Variants in STXBP6 observed in about 807,000 individuals in gnomAD.
STXBP6 encodes syntaxin binding protein 6.
Under a neutral mutation model 26.9 loss-of-function variants are expected in STXBP6, and 21 were observed. The ratio of observed to expected loss-of-function variants is 0.78; its 90% CI spans 0.55 to 1.12. The LOEUF is 1.12. STXBP6 is among the 50% of genes most tolerant of loss of function. The pLI is 0.00. For synonymous variants in STXBP6, 97 were observed against 92.6 expected (o/e 1.05, Z -0.27); for missense variants, 232 against 257.9 (o/e 0.90, Z 0.69).
At chr14:24,821,568 G>A (rs1260386533) in intron 4 of STXBP6, among the ~76,000 whole-genome samples, 2 of 152,190 alleles carry the variant, frequency 1.3e-5, no homozygotes, top group African/African-American at 2.4e-5. Flanking sequence ...GCATCAGGAT[G>A]AATTCGAACA....
At chr14:24,933,447 G>A (rs759455154) in intron 2 of STXBP6, among the ~76,000 whole-genome samples, 41 of 152,174 alleles carry the variant, frequency 2.7e-4, no homozygotes, top group Non-Finnish European at 4.9e-4. Context: ...TCCAGAGGTC[G>A]AAAGGGGTAG....
intron 2 of STXBP6, among the ~76,000 whole-genome samples, chr14:24,934,035 A>C (rs2072513958): frequency 6.6e-6 from 1 of 152,150 alleles, no homozygotes; most frequent in Non-Finnish European, 1.5e-5. Flanking sequence ...AAATACCAAA[A>C]TTGAAGCAAT....
chr14:24,842,938 T>G (rs1373274527), intron 4 of STXBP6, among the ~76,000 whole-genome samples: 1 of 152,176 alleles, frequency 6.6e-6, no homozygotes, highest in African/African-American at 2.4e-5. Context: ...TGGATAGAGC[T>G]GGGAAGTATA....
At chr14:24,908,082 C>T (rs1466315979) in intron 2 of STXBP6, among the ~76,000 whole-genome samples, 5 of 152,292 alleles carry the variant, frequency 3.3e-5, no homozygotes, top group African/African-American at 1.2e-4. Context: ...CTAACAGCAT[C>T]AATGATTTGC....
At chr14:25,001,703 C>T (rs983167517) in intron 1 of STXBP6, among the ~76,000 whole-genome samples, 3 of 152,190 alleles carry the variant, frequency 2.0e-5, no homozygotes, top group African/African-American at 7.2e-5. Context: ...ATTCCAACAT[C>T]TGTTTCAAAA....
At chr14:24,982,451 G>A (rs2074221336) in intron 1 of STXBP6, among the ~76,000 whole-genome samples, 1 of 152,210 alleles carries the variant, frequency 6.6e-6, no homozygotes, top group African/African-American at 2.4e-5. Flanking sequence ...GCGTTAGCCT[G>A]CGCTTGCTCT....
chr14:24,844,586 G>A (rs1209120169), intron 4 of STXBP6, among the ~76,000 whole-genome samples: 1 of 152,158 alleles, frequency 6.6e-6, no homozygotes, highest in Non-Finnish European at 1.5e-5. Flanking sequence ...GAGTTACTTG[G>A]TGTGGAAAAC....
chr14:24,939,638 G>A (rs1485217902), intron 2 of STXBP6, among the ~76,000 whole-genome samples: 1 of 152,120 alleles, frequency 6.6e-6, no homozygotes, highest in Non-Finnish European at 1.5e-5. Flanking sequence ...TTGAAACTCT[G>A]TGATTCTAGA....
intron 2 of STXBP6, among the ~76,000 whole-genome samples, chr14:24,912,441 CAAA>C (rs373713561): frequency 3.0e-5 from 3 of 101,088 alleles, no homozygotes; most frequent in Admixed American, 1.1e-4. Flanking sequence ...AAGTGAATGC[CAAA>C]AAAAAAAAAA....
chr14:24,973,099 CAG>C (rs2140190999), intron 2 of STXBP6, among the ~76,000 whole-genome samples: 1 of 152,240 alleles, frequency 6.6e-6, no homozygotes, highest in East Asian at 1.9e-4. Flanking sequence ...GCCTGGGCAA[CAG>C]AGTGAGACCC....
intron 1 of STXBP6, among the ~76,000 whole-genome samples, chr14:24,997,704 T>G (rs948526282): frequency 1.3e-5 from 2 of 152,214 alleles, no homozygotes. Flanking sequence ...AATAAAAGGC[T>G]GCTGTAAATC....
chr14:25,042,458 C>T (rs1255598060), intron 1 of STXBP6, among the ~76,000 whole-genome samples: 5 of 152,206 alleles, frequency 3.3e-5, no homozygotes, highest in African/African-American at 4.8e-5. Flanking sequence ...TCTTTGTGGG[C>T]AGGAGAAGGT....
chr14:24,908,734 G>A (rs762314253), intron 2 of STXBP6, among the ~76,000 whole-genome samples: 6 of 152,138 alleles, frequency 3.9e-5, no homozygotes, highest in Non-Finnish European at 7.3e-5. Context: ...GGCTTGTGTT[G>A]CTCCAGGAAC....
At chr14:24,820,979 G>A (rs756631281) in intron 4 of STXBP6, among the ~76,000 whole-genome samples, 1 of 152,194 alleles carries the variant, frequency 6.6e-6, no homozygotes, top group Non-Finnish European at 1.5e-5. Context: ...CCAAGGTAAC[G>A]CCTGACCGTT....
At chr14:25,007,194 T>C (rs1283220917) in intron 1 of STXBP6, among the ~76,000 whole-genome samples, 2 of 152,238 alleles carry the variant, frequency 1.3e-5, no homozygotes, top group East Asian at 3.8e-4. Flanking sequence ...CATCATTCAA[T>C]AAACATTTGT....
intron 1 of STXBP6, among the ~76,000 whole-genome samples, chr14:25,000,504 C>T (rs1248093285): frequency 6.6e-6 from 1 of 151,486 alleles, no homozygotes; most frequent in African/African-American, 2.4e-5. Flanking sequence ...TCCTCCTGCC[C>T]TCCTGTCTTC....
intron 2 of STXBP6, among the ~76,000 whole-genome samples, chr14:24,864,135 T>A (rs854339): frequency 0.87 from 132,955 of 152,136 alleles, 59,192 homozygotes; most frequent in Non-Finnish European, 0.97. Flanking sequence ...AACATCATTT[T>A]TGATCCATTC....
chr14:24,910,558 G>C (rs1475858960), intron 2 of STXBP6, among the ~76,000 whole-genome samples: 2 of 152,176 alleles, frequency 1.3e-5, no homozygotes, highest in South Asian at 4.1e-4. Flanking sequence ...GAGAGGTTAG[G>C]TATGGTATGC....
At chr14:25,040,731 C>T (rs553928723) in intron 1 of STXBP6, among the ~76,000 whole-genome samples, 8 of 152,274 alleles carry the variant, frequency 5.3e-5, no homozygotes, top group African/African-American at 1.7e-4. Context: ...ATGACAGACA[C>T]GCATAGTTTG....
Sources: allele counts gnomAD v4.1 joint callset (sites outside exome capture counted in the v4.1 genomes callset), GRCh38; gene constraint gnomAD v4.1.1; transcripts MANE v1.5; gene names NCBI Gene and HGNC (gene_info 2026-07-23, HGNC 2026-07-21).